Variants in DMD observed in about 807,000 individuals in gnomAD.
The protein encoded by DMD is mutant dystrophin.
A neutral mutation model predicts 330.1 loss-of-function variants in DMD; 63 were observed. The ratio of observed to expected loss-of-function variants is 0.19; its 90% CI spans 0.16 to 0.24. The LOEUF is 0.24. Ranked by LOEUF, DMD falls within the 10% of genes least tolerant of loss-of-function variation. The pLI, the probability that DMD is intolerant of heterozygous loss-of-function variation, is 1.00. For synonymous variants in DMD, 1,223 were observed against 959.8 expected, an observed-to-expected ratio of 1.27 and a Z score of -5.07; for missense variants, 3,344 against 2,684.1, an observed-to-expected ratio of 1.25 and a Z score of -5.43.
intron 2 of DMD, among the ~76,000 whole-genome samples, chrX:32,940,974 C>CA (rs1358448979): frequency 1.8e-5 from 2 of 111,098 alleles, no homozygotes; most frequent in Non-Finnish European, 3.8e-5. Context: ...ACAACGCCAT[C>CA]AAAAAACAGG....
chrX:32,937,468 A>G (rs2090098519), intron 2 of DMD, among the ~76,000 whole-genome samples: 1 of 105,747 alleles, frequency 9.5e-6, no homozygotes, highest in African/African-American at 3.5e-5. Context: ...GAGGGAAAGA[A>G]TTTATGCACT....
chrX:32,026,743 T>A (rs1027533816), intron 44 of DMD, among the ~76,000 whole-genome samples: 2 of 111,938 alleles, frequency 1.8e-5, no homozygotes. Flanking sequence ...AACAAAGAGA[T>A]CCCACAATTT....
intron 1 of DMD, among the ~76,000 whole-genome samples, chrX:33,303,724 C>A (rs1220180905): frequency 1.8e-5 from 2 of 111,451 alleles, no homozygotes; most frequent in African/African-American, 3.3e-5. Context: ...CTTCTCCTTG[C>A]TGCCGCCATG....
chrX:32,586,136 T>G (rs906561391), intron 13 of DMD, among the ~76,000 whole-genome samples: 1 of 111,292 alleles, frequency 9.0e-6, no homozygotes, highest in Non-Finnish European at 1.9e-5. Context: ...TTCTAATAAC[T>G]GAATCATGTG....
At chrX:31,129,302 ATTTTAT>A (rs993134106) in intron 77 of DMD, among the ~76,000 whole-genome samples, 5 of 112,046 alleles carry the variant, frequency 4.5e-5, no homozygotes, top group African/African-American at 1.6e-4. Context: ...GATTTCTGTT[ATTTTAT>A]AAGTCAAAAA....
chrX:32,004,987 C>A (rs753495054), intron 44 of DMD, among the ~76,000 whole-genome samples: 25 of 111,583 alleles, frequency 2.2e-4, no homozygotes, highest in African/African-American at 8.1e-4. Context: ...CTGAAGACTG[C>A]ACCCCACTGC....
intron 44 of DMD, among the ~76,000 whole-genome samples, chrX:32,089,225 G>A (rs1456949699): frequency 9.0e-6 from 1 of 110,906 alleles, no homozygotes; most frequent in Non-Finnish European, 1.9e-5. Context: ...CTCCTCAGAA[G>A]CAATCTCTTT....
chrX:32,023,832 A>G (rs1192945586), intron 44 of DMD, among the ~76,000 whole-genome samples: 1 of 111,880 alleles, frequency 8.9e-6, no homozygotes, highest in Non-Finnish European at 1.9e-5. Flanking sequence ...ACGTTAACGC[A>G]GGAACAGACA....
intron 44 of DMD, among the ~76,000 whole-genome samples, chrX:32,033,390 AAC>A (rs2095902206): frequency 9.1e-6 from 1 of 110,322 alleles, no homozygotes; most frequent in Non-Finnish European, 1.9e-5. Flanking sequence ...AAATGTCATT[AAC>A]ACAGTAAAAT....
chrX:31,351,725 C>CAAAAAAAAAAAAAAAAAAAAAAAAAAAAA (rs3061693), intron 60 of DMD, among the ~76,000 whole-genome samples: 17 of 53,027 alleles, frequency 3.2e-4, no homozygotes, highest in African/African-American at 1.3e-3. Flanking sequence ...GACTCCATCT[C>CAAAAAAAAAAAAAAAAAAAAAAAAAAAAA]AAAAAAAAAA....
intron 51 of DMD, among the ~76,000 whole-genome samples, chrX:31,754,929 C>G (rs1399717265): frequency 9.0e-6 from 1 of 111,674 alleles, no homozygotes; most frequent in Non-Finnish European, 1.9e-5. Flanking sequence ...TAAAAATAAT[C>G]AAATGTCTGA....
intron 60 of DMD, among the ~76,000 whole-genome samples, chrX:31,363,880 T>C (rs2059098195): frequency 8.9e-6 from 1 of 112,473 alleles, no homozygotes; most frequent in Non-Finnish European, 1.9e-5. Flanking sequence ...CCATGTCCCC[T>C]GGGGGACAGA....
intron 44 of DMD, among the ~76,000 whole-genome samples, chrX:32,066,472 C>A (rs1165519212): frequency 9.0e-6 from 1 of 111,131 alleles, no homozygotes; most frequent in Non-Finnish European, 1.9e-5. Context: ...TTTCTGTTAC[C>A]TGACTACCCA....
chrX:32,232,208 G>A (rs1229956617), intron 43 of DMD, among the ~76,000 whole-genome samples: 1 of 111,857 alleles, frequency 8.9e-6, no homozygotes, highest in Non-Finnish European at 1.9e-5. Context: ...ATTCTGCCGG[G>A]AGTTGCACCC....
At chrX:32,558,938 CTTTTTTTTT>C (rs60739281) in intron 16 of DMD, among the ~76,000 whole-genome samples, 51 of 50,813 alleles carry the variant, frequency 1.0e-3, no homozygotes, top group Middle Eastern at 0.015. Context: ...TTCAAATTTT[CTTTTTTTTT>C]TTTTTTTTTT....
At chrX:32,669,299 C>T (rs1364114937) in intron 9 of DMD, among the ~76,000 whole-genome samples, 1 of 111,446 alleles carries the variant, frequency 9.0e-6, no homozygotes, top group African/African-American at 3.3e-5. Context: ...GATCCAGTTG[C>T]CCTTCCCCTA....
intron 30 of DMD, among the ~76,000 whole-genome samples, chrX:32,405,042 C>T (rs183734682): frequency 9.9e-5 from 11 of 111,643 alleles, no homozygotes; most frequent in Non-Finnish European, 2.1e-4. Context: ...TTGACACAGT[C>T]ATAGAAGAGA....
chrX:32,723,668 C>T (rs1300575392), intron 7 of DMD, among the ~76,000 whole-genome samples: 1 of 110,823 alleles, frequency 9.0e-6, no homozygotes, highest in Non-Finnish European at 1.9e-5. Context: ...GGTATTCTTA[C>T]CATACCAAAA....
chrX:31,428,948 C>T (rs935262361), intron 60 of DMD, among the ~76,000 whole-genome samples: 5 of 110,026 alleles, frequency 4.5e-5, no homozygotes, highest in Non-Finnish European at 7.6e-5. Context: ...GGTGAAACCC[C>T]GTCTCTACTA....
Sources: gnomAD v4.1 joint callset for allele counts (sites outside exome capture counted in the v4.1 genomes callset) on GRCh38, gnomAD v4.1.1 for gene constraint, MANE v1.5 for transcripts, NCBI Gene and HGNC (gene_info 2026-07-23, HGNC 2026-07-21) for gene names.